Variants in SH3GL3 observed in about 807,000 individuals in gnomAD.
SH3GL3 encodes the protein SH3 domain containing GRB2 like 3, endophilin A3.
A neutral mutation model predicts 47.7 loss-of-function variants in SH3GL3; 33 were observed. That is an observed-to-expected ratio of 0.69 (90% CI 0.52 to 0.92). SH3GL3 has a LOEUF of 0.92. Among genes scored for constraint, SH3GL3 ranks in the 40% least tolerant of loss-of-function variants. The pLI is 0.00. For missense variants in SH3GL3, 363 were observed against 417.8 expected, an observed-to-expected ratio of 0.87 and a Z score of 1.14; for synonymous variants, 155 against 148.8, an observed-to-expected ratio of 1.04 and a Z score of -0.30.
At chr15:83,555,476 C>T (rs1041225274) in intron 1 of SH3GL3, among the ~76,000 whole-genome samples, 1 of 152,090 alleles carries the variant, frequency 6.6e-6, no homozygotes, top group Non-Finnish European at 1.5e-5. Flanking sequence ...GCTCACTTCT[C>T]TCTAGTGATT....
chr15:83,608,453 A>G (rs769626170), intron 8 of SH3GL3, among the ~76,000 whole-genome samples: 1 of 152,232 alleles, frequency 6.6e-6, no homozygotes, highest in Non-Finnish European at 1.5e-5. Context: ...TGTGGTATCT[A>G]TCAGCATTAG....
chr15:83,600,775 G>A (rs780815374), intron 8 of SH3GL3, among the ~76,000 whole-genome samples: 2 of 152,118 alleles, frequency 1.3e-5, no homozygotes, highest in Non-Finnish European at 2.9e-5. Flanking sequence ...TTTGTAGACT[G>A]CTTTTGGCAG....
chr15:83,594,367 T>C (rs2151818138), intron 8 of SH3GL3, among the ~76,000 whole-genome samples: 1 of 152,368 alleles, frequency 6.6e-6, no homozygotes, highest in Non-Finnish European at 1.5e-5. Context: ...AATTTTAGAA[T>C]AGTTTTAGAC....
chr15:83,453,666 T>G (rs1384785986), intron 1 of SH3GL3, among the ~76,000 whole-genome samples: 1 of 134,466 alleles, frequency 7.4e-6, no homozygotes, highest in African/African-American at 2.8e-5. Flanking sequence ...CCCTTTATCA[T>G]TTTTTATTGT....
At chr15:83,592,014 C>T (rs1287450273) in intron 8 of SH3GL3, among the ~76,000 whole-genome samples, 2 of 152,164 alleles carry the variant, frequency 1.3e-5, no homozygotes, top group African/African-American at 2.4e-5. Context: ...CAAGCTTTTT[C>T]GTGAGAAATG....
chr15:83,525,427 T>A (rs1393869307), intron 1 of SH3GL3, among the ~76,000 whole-genome samples: 1 of 151,870 alleles, frequency 6.6e-6, no homozygotes, highest in East Asian at 1.9e-4. Context: ...ATTAGTTTCT[T>A]GTTAGATGAA....
chr15:83,595,059 C>T (rs899330142), intron 8 of SH3GL3, among the ~76,000 whole-genome samples: 4 of 152,168 alleles, frequency 2.6e-5, no homozygotes, highest in African/African-American at 9.7e-5. Context: ...CGTGTATGTT[C>T]ATCGCAGCAC....
chr15:83,458,550 C>A (rs1382884265), intron 1 of SH3GL3, among the ~76,000 whole-genome samples: 1 of 152,216 alleles, frequency 6.6e-6, no homozygotes, highest in Non-Finnish European at 1.5e-5. Flanking sequence ...TAACTTGAGT[C>A]CTCCCTAGTG....
intron 6 of SH3GL3, among the ~76,000 whole-genome samples, chr15:83,581,335 C>A (rs530133423): frequency 3.3e-5 from 5 of 152,202 alleles, no homozygotes; most frequent in Non-Finnish European, 7.3e-5. Context: ...GAAACAAACC[C>A]AGGGAGCCAC....
intron 1 of SH3GL3, among the ~76,000 whole-genome samples, chr15:83,529,027 G>C (rs1381820382): frequency 6.6e-6 from 1 of 151,992 alleles, no homozygotes; most frequent in African/African-American, 2.4e-5. Context: ...TTTGATTCTG[G>C]GTGCAGGCAT....
At chr15:83,556,678 A>G (rs541798117) in intron 1 of SH3GL3, among the ~76,000 whole-genome samples, 99 of 152,352 alleles carry the variant, frequency 6.5e-4, no homozygotes, top group Non-Finnish European at 1.2e-3. Context: ...AGGCCACTGT[A>G]TCAGTCAGCT....
chr15:83,456,831 C>T (rs1396710127), intron 1 of SH3GL3, among the ~76,000 whole-genome samples: 1 of 152,158 alleles, frequency 6.6e-6, no homozygotes, highest in Non-Finnish European at 1.5e-5. Context: ...CTTGGCTCCT[C>T]CCCTCAGAAC....
At chr15:83,505,953 C>T (rs989267067) in intron 1 of SH3GL3, among the ~76,000 whole-genome samples, 4 of 152,158 alleles carry the variant, frequency 2.6e-5, no homozygotes, top group Non-Finnish European at 5.9e-5. Flanking sequence ...TTGTTATATG[C>T]TATACAAATA....
At chr15:83,562,030 AACACACACACACACACACACAC>A (rs55856428) in intron 2 of SH3GL3, among the ~76,000 whole-genome samples, 49 of 133,084 alleles carry the variant, frequency 3.7e-4, no homozygotes, top group African/African-American at 6.0e-4. Flanking sequence ...ACACACACAC[AACACACACACACACACACACAC>A]ACACACACAC....
intron 1 of SH3GL3, among the ~76,000 whole-genome samples, chr15:83,471,631 G>A (rs997476709): frequency 7.2e-5 from 11 of 152,092 alleles, no homozygotes; most frequent in Admixed American, 4.6e-4. Context: ...TCATACTACC[G>A]GACACAGGTC....
intron 3 of SH3GL3, among the ~76,000 whole-genome samples, chr15:83,567,243 C>T (rs1442119789): frequency 2.0e-5 from 3 of 152,190 alleles, no homozygotes; most frequent in East Asian, 1.9e-4. Flanking sequence ...CTCTTCTACA[C>T]GTTACTGACA....
intron 1 of SH3GL3, among the ~76,000 whole-genome samples, chr15:83,544,711 G>T (rs541397481): frequency 6.6e-6 from 1 of 152,204 alleles, no homozygotes; most frequent in Admixed American, 6.5e-5. Context: ...TAGGTCTGAT[G>T]TTGATGAAAT....
At chr15:83,602,478 C>A (rs947706504) in intron 8 of SH3GL3, among the ~76,000 whole-genome samples, 2 of 152,174 alleles carry the variant, frequency 1.3e-5, no homozygotes, top group African/African-American at 2.4e-5. Flanking sequence ...GCAGAAGGGG[C>A]AAACAAGCTC....
chr15:83,618,301 ACT>A lies in SH3GL3; in HGVS notation c.*17_*18del, dbSNP rs758310806. 2 of 1,501,576 alleles carry A rather than the reference ACT, an allele frequency of 1.3e-6. No individual in the cohort carries two copies. The highest frequency in any genetic ancestry group is 1.1e-5 in the South Asian group (1 of 88,738). The allele number at this position is 1,501,576 out of a possible 1,614,324, so 93.0% of individuals were successfully genotyped here. A position where few individuals can be genotyped will look rare whatever the true frequency, so the allele number is the denominator to read the frequency against. ...TTACCTCAGTAAATGTGTAACACAA[ACT>A]CTGGACATACTTTCGTAACTGAAAT... On this transcript the variant is annotated 3_prime_UTR_variant, in exon 9 of 9. Transcript: ENST00000427482.
Sources: allele counts gnomAD v4.1 joint callset (sites outside exome capture counted in the v4.1 genomes callset), GRCh38; gene constraint gnomAD v4.1.1; transcripts MANE v1.5; gene names NCBI Gene and HGNC (gene_info 2026-07-23, HGNC 2026-07-21).